Variants in KCTD1 observed in about 807,000 individuals in gnomAD.
The protein encoded by KCTD1 is BTB/POZ domain-containing protein KCTD1.
Under a neutral mutation model 66.0 loss-of-function variants are expected in KCTD1, and 24 were observed. That is an observed-to-expected ratio of 0.36 (90% CI 0.26 to 0.51). The LOEUF is 0.51. KCTD1 is among the 20% of genes least tolerant of loss of function. KCTD1 has a pLI of 0.95. For synonymous variants in KCTD1, 511 were observed against 517.2 expected (o/e 0.99, Z 0.16); for missense variants, 943 against 1,205.2 (o/e 0.78, Z 3.22).
At chr18:26,573,994 A>G (rs974026268) in intron 1 of KCTD1, among the ~76,000 whole-genome samples, 15 of 152,020 alleles carry the variant, frequency 9.9e-5, no homozygotes, top group African/African-American at 3.6e-4. Context: ...AAGACCCCCC[A>G]GGTTTCCATC....
chr18:26,540,350 C>T (rs566230617), intron 1 of KCTD1, among the ~76,000 whole-genome samples: 22 of 152,352 alleles, frequency 1.4e-4, no homozygotes, highest in Non-Finnish European at 2.6e-4. Context: ...TCGGGCAGCA[C>T]GTTTTACCCC....
intron 1 of KCTD1, among the ~76,000 whole-genome samples, chr18:26,597,223 G>C (rs1032548100): frequency 6.6e-6 from 1 of 152,100 alleles, no homozygotes; most frequent in Middle Eastern, 3.2e-3. Flanking sequence ...GAAAGTTAGA[G>C]CCTGAGGTGA....
intron 1 of KCTD1, among the ~76,000 whole-genome samples, chr18:26,563,956 A>G (rs945806702): frequency 2.0e-5 from 3 of 151,526 alleles, no homozygotes; most frequent in Non-Finnish European, 4.4e-5. Flanking sequence ...CACTTTGGAC[A>G]GGTATTGTAA....
At chr18:26,529,192 C>T (rs984077741) in intron 1 of KCTD1, among the ~76,000 whole-genome samples, 2 of 152,194 alleles carry the variant, frequency 1.3e-5, no homozygotes, top group African/African-American at 2.4e-5. Flanking sequence ...TGTTCACCCA[C>T]TACTGCCATC....
At chr18:26,496,740 G>GCA (rs111233653) in intron 2 of KCTD1, among the ~76,000 whole-genome samples, 64,511 of 147,998 alleles carry the variant, frequency 0.44, 13,801 homozygotes, top group South Asian at 0.48. Context: ...AAAAGCATGT[G>GCA]CACACACACA....
intron 1 of KCTD1, among the ~76,000 whole-genome samples, chr18:26,603,527 G>T (rs967077184): frequency 6.6e-6 from 1 of 151,652 alleles, no homozygotes; most frequent in Non-Finnish European, 1.5e-5. Flanking sequence ...GATCACCTGA[G>T]GCCAGGAGTT....
intron 1 of KCTD1, among the ~76,000 whole-genome samples, chr18:26,526,641 G>A (rs1984174561): frequency 6.6e-6 from 1 of 152,218 alleles, no homozygotes; most frequent in Admixed American, 6.5e-5. Context: ...CACGGAAAGG[G>A]GTTCCTCTGC....
intron 1 of KCTD1, among the ~76,000 whole-genome samples, chr18:26,513,816 A>G (rs2144724730): frequency 6.6e-6 from 1 of 152,350 alleles, no homozygotes; most frequent in South Asian, 2.1e-4. Context: ...AATGCCTTTG[A>G]AAGAAAGGAG....
intron 1 of KCTD1, among the ~76,000 whole-genome samples, chr18:26,555,681 G>A (rs1379624850): frequency 1.3e-5 from 2 of 152,198 alleles, no homozygotes; most frequent in Admixed American, 1.3e-4. Flanking sequence ...CTGTCTTAGA[G>A]ACCTCTCTTT....
intron 2 of KCTD1, among the ~76,000 whole-genome samples, chr18:26,483,182 AAACAGAAG>A (rs1981737318): frequency 6.6e-6 from 1 of 152,250 alleles, no homozygotes; most frequent in South Asian, 2.1e-4. Context: ...AGGAGCAGCA[AAACAGAAG>A]AACAATCTGC....
chr18:26,489,602 T>C (rs1170964524), intron 2 of KCTD1, among the ~76,000 whole-genome samples: 1 of 152,138 alleles, frequency 6.6e-6, no homozygotes, highest in Non-Finnish European at 1.5e-5. Flanking sequence ...GGTTTTGGGG[T>C]GTGAATAAAT....
intron 1 of KCTD1, among the ~76,000 whole-genome samples, chr18:26,512,447 TAAAA>T (rs34953401): frequency 6.8e-6 from 1 of 146,818 alleles, no homozygotes. Flanking sequence ...GTTTTTGCAT[TAAAA>T]AAAAAAAATT....
intron 1 of KCTD1, among the ~76,000 whole-genome samples, chr18:26,510,063 A>C (rs995425515): frequency 7.9e-5 from 12 of 152,384 alleles, no homozygotes; most frequent in African/African-American, 2.9e-4. Context: ...TTGACAAGCC[A>C]GATGGACAGA....
rs1980860855 is a variant in KCTD1 at position 26,468,311 on chromosome 18, A to C, written c.2133+8204T>G. ...TTCCATGGAAGCCAGGACAGGAGCA[A>C]CTGCCACTTAAATGGTGTTCTGAAA... On this transcript the variant is annotated intron_variant, in intron 3 of 4. Coordinates refer to ENST00000580059, the MANE Select transcript of KCTD1 (RefSeq NM_001142730.3). The surrounding 1 kb of genome is among the most constrained non-coding windows in gnomAD (Gnocchi z 4.8). Among the ~76,000 whole-genome samples the C allele has an allele frequency of 1.3e-5, 2 of 152,364 alleles. No homozygotes were observed. The highest frequency in any genetic ancestry group is 2.9e-5 in the Non-Finnish European group (2 of 68,032).
At chr18:26,570,400 ACT>A (rs968039418) in intron 1 of KCTD1, among the ~76,000 whole-genome samples, 1 of 151,626 alleles carries the variant, frequency 6.6e-6, no homozygotes, top group Non-Finnish European at 1.5e-5. Flanking sequence ...TATAATCCTA[ACT>A]CTCTATTACT....
chr18:26,600,253 C>T (rs1243497566), intron 1 of KCTD1: 50 of 1,606,912 alleles, frequency 3.1e-5, no homozygotes, highest in African/African-American at 8.0e-5. Context: ...TGATGCCTTC[C>T]GCTGTGCCAG....
chr18:26,607,631 G>T (rs1322752141), intron 1 of KCTD1, among the ~76,000 whole-genome samples: 1 of 152,108 alleles, frequency 6.6e-6, no homozygotes, highest in Non-Finnish European at 1.5e-5. Context: ...ATCACATATT[G>T]GAGGATGTGT....
intron 1 of KCTD1, among the ~76,000 whole-genome samples, chr18:26,603,750 TA>T (rs74171383): frequency 1.0e-5 from 1 of 95,470 alleles, no homozygotes; most frequent in South Asian, 3.6e-4. Flanking sequence ...CTCAAAAAAA[TA>T]AAATAAATAA....
At chr18:26,530,901 G>A (rs1226858364) in intron 1 of KCTD1, among the ~76,000 whole-genome samples, 1 of 152,152 alleles carries the variant, frequency 6.6e-6, no homozygotes, top group Non-Finnish European at 1.5e-5. Flanking sequence ...GATCCTTTCT[G>A]TTCAAGGCAA....
Sources: allele counts gnomAD v4.1 joint callset (sites outside exome capture counted in the v4.1 genomes callset), GRCh38; gene constraint gnomAD v4.1.1; non-coding constraint Gnocchi (gnomAD v3.1); transcripts MANE v1.5; gene names NCBI Gene and HGNC (gene_info 2026-07-23, HGNC 2026-07-21).